TACR3: variants seen among roughly 807,000 people sequenced by gnomAD.
TACR3 encodes the protein tachykinin receptor 3.
Under a neutral mutation model 35.0 loss-of-function variants are expected in TACR3, and 34 were observed. The ratio of observed to expected loss-of-function variants is 0.97; its 90% CI spans 0.74 to 1.30. TACR3 has a LOEUF of 1.30. TACR3 is among the 50% of genes most tolerant of loss of function. The pLI is 0.00. For synonymous variants in TACR3, 233 were observed against 221.1 expected (o/e 1.05, Z -0.48); for missense variants, 558 against 591.7 (o/e 0.94, Z 0.59).
chr4:103,602,131 T>C (rs1003774652), intron 3 of TACR3, among the ~76,000 whole-genome samples: 3 of 152,214 alleles, frequency 2.0e-5, no homozygotes, highest in African/African-American at 7.2e-5. Context: ...TTCATTTCAT[T>C]CATTTCATCT....
At chr4:103,705,177 C>T (rs1349871122) in intron 1 of TACR3, among the ~76,000 whole-genome samples, 1 of 151,810 alleles carries the variant, frequency 6.6e-6, no homozygotes, top group Non-Finnish European at 1.5e-5. Context: ...TGACAATCAC[C>T]CTCCTAAGAG....
At chr4:103,715,392 A>G (rs1326517972) in intron 1 of TACR3, among the ~76,000 whole-genome samples, 3 of 152,140 alleles carry the variant, frequency 2.0e-5, no homozygotes, top group Non-Finnish European at 4.4e-5. Context: ...CCTGCCTGCC[A>G]TTTAAGACTA....
intron 2 of TACR3, 65 bp downstream of exon 2, chr4:103,658,150 C>T: frequency 1.3e-6 from 2 of 1,504,602 alleles, no homozygotes; most frequent in South Asian, 1.1e-5. Context: ...ATTGTTGCTC[C>T]TAATCTGTAG....
At chr4:103,716,400 G>A (rs1723092313) in intron 1 of TACR3, among the ~76,000 whole-genome samples, 1 of 152,094 alleles carries the variant, frequency 6.6e-6, no homozygotes, top group Admixed American at 6.6e-5. Flanking sequence ...AGAAGTTAAT[G>A]TGCTTCAGAA....
chr4:103,701,355 C>A (rs1461328762), intron 1 of TACR3, among the ~76,000 whole-genome samples: 43 of 151,138 alleles, frequency 2.8e-4, no homozygotes, highest in Admixed American at 2.8e-3. Context: ...ACGTGAAGGA[C>A]CTCTTCAAGG....
At chr4:103,684,142 G>C (rs983426936) in intron 1 of TACR3, among the ~76,000 whole-genome samples, 2 of 151,842 alleles carry the variant, frequency 1.3e-5, no homozygotes, top group Non-Finnish European at 2.9e-5. Flanking sequence ...CAAAAAAACT[G>C]TATATTTTTG....
intron 1 of TACR3, among the ~76,000 whole-genome samples, chr4:103,713,477 TGG>T (rs374373953): frequency 2.7e-5 from 2 of 74,490 alleles, no homozygotes; most frequent in East Asian, 4.0e-4. Flanking sequence ...TGTCATGGGG[TGG>T]GGGGAGGGGG....
chr4:103,719,628 G>T lies in TACR3; in HGVS notation c.48C>A (p.Gly16=). The change falls in exon 1 of 5, where the codon GGC becomes GGA. Residue 16 remains glycine (G), a synonymous_variant. Transcript: ENST00000304883. The stretch of plus-strand genomic sequence containing the variant: ...TCAGGTTCACGGCGTCTGCACCCAC[G>T]CCTCCACCCCCGTCTATCCAGGTTT... ...AAETWIDGGG[G]VGADAVNLTA... 2 of 1,613,706 alleles carry T rather than the reference G, an allele frequency of 1.2e-6. No individual in the cohort carries two copies. Among genetic ancestry groups the T allele is most frequent in the Non-Finnish European group, 1.7e-6 (2 of 1,179,994 alleles).
intron 3 of TACR3, among the ~76,000 whole-genome samples, chr4:103,593,628 G>A (rs922490318): frequency 4.3e-4 from 65 of 152,020 alleles, no homozygotes; most frequent in African/African-American, 1.5e-3. Flanking sequence ...GGGTAGTTAA[G>A]CTCCAGCCAT....
At chr4:103,711,169 C>T (rs1223599772) in intron 1 of TACR3, among the ~76,000 whole-genome samples, 3 of 152,004 alleles carry the variant, frequency 2.0e-5, no homozygotes, top group Non-Finnish European at 2.9e-5. Context: ...TGACACCAAA[C>T]CCTGGCAGAG....
intron 3 of TACR3, among the ~76,000 whole-genome samples, chr4:103,645,538 A>G (rs1417392079): frequency 6.6e-6 from 1 of 151,986 alleles, no homozygotes; most frequent in African/African-American, 2.4e-5. Flanking sequence ...ACCTTAGGAC[A>G]CTTAGAAACT....
rs367912487 is a variant in TACR3 at position 103,708,238 on chromosome 4, G to C, written c.548+10890C>G. On this transcript the variant is annotated intron_variant, in intron 1 of 4. Coordinates refer to ENST00000304883, the MANE Select transcript of TACR3 (RefSeq NM_001059.3). ...TCCTTGACCCCTGAGTAGCCTAAATGGGAGGTACCCCTCCAGTAGGGGCAG... is the reference window on the plus strand; with the variant it reads ...TCCTTGACCCCTGAGTAGCCTAAATCGGAGGTACCCCTCCAGTAGGGGCAG... 2.0e-3 allele frequency among the ~76,000 whole-genome samples: 309 copies of C among 152,310 alleles called. 1 individual carries two copies. The highest frequency in any genetic ancestry group is 7.1e-3 in the African/African-American group (296 of 41,570).
At chr4:103,601,027 C>T (rs569416223) in intron 3 of TACR3, among the ~76,000 whole-genome samples, 2 of 152,014 alleles carry the variant, frequency 1.3e-5, no homozygotes, top group East Asian at 3.9e-4. Context: ...TTAACTTTCT[C>T]TCGTTGATCT....
intron 1 of TACR3, among the ~76,000 whole-genome samples, chr4:103,707,632 T>A (rs977748147): frequency 2.6e-5 from 4 of 151,982 alleles, no homozygotes; most frequent in African/African-American, 9.7e-5. Context: ...TTCATCTCAC[T>A]GGGGTTTGTC....
chr4:103,673,475 G>A (rs1011282261), intron 1 of TACR3, among the ~76,000 whole-genome samples: 2 of 152,158 alleles, frequency 1.3e-5, no homozygotes, highest in Admixed American at 6.6e-5. Context: ...AGCACATGGA[G>A]CAGTCAGAAC....
intron 3 of TACR3, among the ~76,000 whole-genome samples, chr4:103,600,893 T>C (rs1201923895): frequency 6.6e-6 from 1 of 152,104 alleles, no homozygotes; most frequent in Non-Finnish European, 1.5e-5. Flanking sequence ...TGTGGTCAGT[T>C]TTGGAGTAGG....
chr4:103,606,920 C>T (rs1165522040), intron 3 of TACR3, among the ~76,000 whole-genome samples: 2 of 152,068 alleles, frequency 1.3e-5, no homozygotes, highest in Non-Finnish European at 2.9e-5. Flanking sequence ...GGGAATGCTT[C>T]CAGTTTTTGC....
At chr4:103,710,851 A>G (rs1307753156) in intron 1 of TACR3, among the ~76,000 whole-genome samples, 2 of 152,208 alleles carry the variant, frequency 1.3e-5, no homozygotes, top group Non-Finnish European at 2.9e-5. Flanking sequence ...CCATCAGAGA[A>G]CACTATAAAC....
At chr4:103,616,297 C>CGT (rs1395589806) in intron 3 of TACR3, among the ~76,000 whole-genome samples, 1 of 103,202 alleles carries the variant, frequency 9.7e-6, no homozygotes, top group African/African-American at 4.7e-5. Context: ...AGAGTACATA[C>CGT]GTGTATGTGT....
Sources: gnomAD v4.1 joint callset for allele counts (sites outside exome capture counted in the v4.1 genomes callset) on GRCh38, gnomAD v4.1.1 for gene constraint, MANE v1.5 for transcripts, NCBI Gene and HGNC (gene_info 2026-07-23, HGNC 2026-07-21) for gene names.